PDK3: variants seen among roughly 807,000 people sequenced by gnomAD.
The protein encoded by PDK3 is pyruvate dehydrogenase kinase 3, also known as pyruvate dehydrogenase kinase, isozyme 3.
PDK3 carries 12 observed loss-of-function variants against 32.0 expected under a neutral mutation model. The observed-to-expected ratio is 0.37, with a 90% CI of 0.24 to 0.61. The LOEUF is 0.61. Ranked by LOEUF, PDK3 falls within the 20% of genes least tolerant of loss-of-function variation. The pLI is 0.65. For synonymous variants in PDK3, 122 were observed against 116.3 expected (o/e 1.05, Z -0.31); for missense variants, 188 against 316.9 (o/e 0.59, Z 3.09).
chrX:24,548,580 T>G (rs1923041715), exon 12 of PDK3: 1 of 112,453 alleles, frequency 8.9e-6, no homozygotes, highest in Admixed American at 9.5e-5. Flanking sequence ...AAGAAATGTC[T>G]AACTCTGGCA....
chrX:24,496,296 T>TACAC (rs74314230), intron 2 of PDK3, among the ~76,000 whole-genome samples: 12,047 of 102,457 alleles, frequency 0.12, 972 homozygotes, highest in African/African-American at 0.28. Flanking sequence ...ACTCTCTGCA[T>TACAC]ACACACACAC....
chrX:24,537,563 A>T (rs1922807981), downstream of PDK3, among the ~76,000 whole-genome samples: 1 of 110,988 alleles, frequency 9.0e-6, no homozygotes, highest in Non-Finnish European at 1.9e-5. Context: ...ATTTTAAATC[A>T]TAAGTTCATA....
downstream of PDK3, chrX:24,534,430 A>T: frequency 6.6e-6 from 1 of 152,231 alleles, no homozygotes; most frequent in Non-Finnish European, 1.2e-5. Context: ...AAATACTATG[A>T]TTCCACTTAT....
downstream of PDK3, among the ~76,000 whole-genome samples, chrX:24,537,117 C>CTTTTTT (rs34294652): frequency 5.9e-4 from 49 of 82,716 alleles, no homozygotes; most frequent in Non-Finnish European, 8.4e-4. Context: ...CTTTTCTTTT[C>CTTTTTT]TTTTTTTTTT....
At chrX:24,491,884 C>G (rs780135920) in intron 1 of PDK3, among the ~76,000 whole-genome samples, 5 of 111,032 alleles carry the variant, frequency 4.5e-5, no homozygotes, top group Admixed American at 1.9e-4. Context: ...GGTAGTAAAC[C>G]GTGATTGTAC....
rs531998425 is a variant in PDK3 at position 24,524,495 on chromosome X, A to G, written c.674-1703A>G. ...GAGGAGTATAAAGAAACTCCATTTC[A>G]TGTTAAGGCTGGGAACATTCTCCTC... is the stretch of plus-strand genomic sequence containing the variant. On this transcript the variant is annotated intron_variant, in intron 6 of 10. Transcript: ENST00000379162. 1.8e-4 allele frequency among the ~76,000 whole-genome samples: 20 copies of G among 112,034 alleles called. No individual in the cohort carries two copies. The South Asian group carries it at 7.5e-3, about 42-fold the overall frequency.
chrX:24,521,490 T>C (rs1222920798), intron 6 of PDK3, among the ~76,000 whole-genome samples: 3 of 110,868 alleles, frequency 2.7e-5, no homozygotes, highest in Non-Finnish European at 3.8e-5. Context: ...TGAATAAATA[T>C]ACTACCAGGA....
At chrX:24,488,792 A>G (rs768871730) in intron 1 of PDK3, among the ~76,000 whole-genome samples, 1 of 112,631 alleles carries the variant, frequency 8.9e-6, no homozygotes, top group East Asian at 2.8e-4. Context: ...ATTTGAGTCT[A>G]ATGACCTGTT....
intron 9 of PDK3, among the ~76,000 whole-genome samples, chrX:24,530,368 T>C (rs1272030561): frequency 8.9e-6 from 1 of 112,063 alleles, no homozygotes; most frequent in Non-Finnish European, 1.9e-5. Context: ...CTAGTAGCCA[T>C]AGTACCAGCC....
intron 4 of PDK3, 143 bp from the exon 5 acceptor site, chrX:24,505,066 C>T (rs1921947530): frequency 2.3e-5 from 9 of 387,060 alleles, no homozygotes. Flanking sequence ...TGTGTGTATT[C>T]CATTGCTCTA....
intron 1 of PDK3, among the ~76,000 whole-genome samples, chrX:24,479,641 G>T (rs1921198058): frequency 9.1e-6 from 1 of 110,496 alleles, no homozygotes; most frequent in East Asian, 2.8e-4. Flanking sequence ...AAAAAAATTA[G>T]CCAGGCGGTG....
chrX:24,486,694 C>T (rs1340600362), intron 1 of PDK3, among the ~76,000 whole-genome samples: 1 of 111,430 alleles, frequency 9.0e-6, no homozygotes, highest in Non-Finnish European at 1.9e-5. Flanking sequence ...TGCAGTGGCA[C>T]AATCACAGCT....
At chrX:24,493,338 A>G (rs1289634751) in intron 1 of PDK3, among the ~76,000 whole-genome samples, 1 of 82,944 alleles carries the variant, frequency 1.2e-5, no homozygotes, top group African/African-American at 5.5e-5. Flanking sequence ...GGTTCTGCAG[A>G]TTACTTTCTA....
chrX:24,465,839 A>G (rs1348854460), intron 1 of PDK3, among the ~76,000 whole-genome samples: 1 of 111,682 alleles, frequency 9.0e-6, no homozygotes, highest in African/African-American at 3.3e-5. Flanking sequence ...CGTTAGCTTC[A>G]AATCTGCTTG....
chrX:24,484,411 A>G (rs1921347160), intron 1 of PDK3, among the ~76,000 whole-genome samples: 1 of 112,841 alleles, frequency 8.9e-6, no homozygotes, highest in African/African-American at 3.2e-5. Context: ...CATAGAACTC[A>G]GTGACTGAGG....
chrX:24,510,232 G>A (rs762336842), intron 5 of PDK3, among the ~76,000 whole-genome samples: 8 of 112,156 alleles, frequency 7.1e-5, no homozygotes, highest in Non-Finnish European at 1.5e-4. Context: ...ACATTCAAAG[G>A]AAAGGCCTTA....
intron 4 of PDK3, 27 bp downstream of exon 4, chrX:24,503,538 T>C (rs1921913868): frequency 9.6e-7 from 1 of 1,038,995 alleles, no homozygotes; most frequent in Admixed American, 2.8e-5. Context: ...TGGTCCAGTT[T>C]TGAAAAGGTA....
downstream of PDK3, among the ~76,000 whole-genome samples, chrX:24,536,490 T>C (rs908822347): frequency 8.9e-6 from 1 of 111,886 alleles, no homozygotes; most frequent in African/African-American, 3.2e-5. Context: ...AACTCCTTCC[T>C]TTTAAATTTA....
intron 2 of PDK3, among the ~76,000 whole-genome samples, chrX:24,498,341 C>T (rs1355416831): frequency 9.0e-6 from 1 of 111,455 alleles, no homozygotes; most frequent in Non-Finnish European, 1.9e-5. Context: ...CTATCGAGGC[C>T]CTGCTTTCGA....
Sources: gnomAD v4.1 joint callset for allele counts (sites outside exome capture counted in the v4.1 genomes callset) on GRCh38, gnomAD v4.1.1 for gene constraint, MANE v1.5 for transcripts, NCBI Gene and HGNC (gene_info 2026-07-23, HGNC 2026-07-21) for gene names.